Variants in NAALADL2 observed in about 807,000 individuals in gnomAD.
NAALADL2 encodes N-acetylated alpha-linked acidic dipeptidase like 2, also known as inactive N-acetylated-alpha-linked acidic dipeptidase-like protein 2.
Under a neutral mutation model 87.2 loss-of-function variants are expected in NAALADL2, and 76 were observed. The ratio of observed to expected loss-of-function variants is 0.87; its 90% CI spans 0.72 to 1.05. The LOEUF is 1.05. NAALADL2 is among the 50% of genes least tolerant of loss of function. The pLI, the probability that NAALADL2 is intolerant of heterozygous loss-of-function variation, is 0.00. For missense variants in NAALADL2, 1,089 were observed against 945.8 expected (o/e 1.15, Z -1.99); for synonymous variants, 354 against 331.0 (o/e 1.07, Z -0.75).
At chr3:174,770,707 G>A (rs1011182072) in intron 3 of NAALADL2, among the ~76,000 whole-genome samples, 4 of 151,992 alleles carry the variant, frequency 2.6e-5, no homozygotes, top group Non-Finnish European at 4.4e-5. Flanking sequence ...GGGCTTGGTG[G>A]TGGGCACCTG....
At chr3:174,811,406 G>C (rs1261247751) in intron 3 of NAALADL2, among the ~76,000 whole-genome samples, 1 of 152,192 alleles carries the variant, frequency 6.6e-6, no homozygotes, top group Non-Finnish European at 1.5e-5. Context: ...CCTTGCACCA[G>C]TATGCCCTGG....
At chr3:175,309,134 G>C (rs1581357355) in intron 4 of NAALADL2, among the ~76,000 whole-genome samples, 1 of 152,028 alleles carries the variant, frequency 6.6e-6, no homozygotes, top group Non-Finnish European at 1.5e-5. Flanking sequence ...GAATAATAAA[G>C]TAACAAATTT....
rs578045045 is a variant in NAALADL2 at position 174,453,350 on chromosome 3, G to A, written c.-184+12318G>A. On this transcript the variant is annotated intron_variant, in intron 1 of 3. Transcript: ENST00000434257. ...AGATGGGGAGTATGGAAGCAACTTG[G>A]AAATCACATTTTGGGATATCCTCCA... Among the ~76,000 whole-genome samples the A allele has an allele frequency of 3.3e-5, 5 of 152,264 alleles. No individual in the cohort carries two copies. The South Asian group carries it at 1.0e-3, about 32-fold the overall frequency.
chr3:175,770,238 T>C lies in NAALADL2; in HGVS notation c.2189+14820T>C, dbSNP rs1402818638. Among the ~76,000 whole-genome samples, 7 of 152,222 alleles carry C rather than the reference T, an allele frequency of 4.6e-5. No individual in the cohort carries two copies. The South Asian group carries it at 1.0e-3, about 23-fold the overall frequency. On this transcript the variant is annotated intron_variant, in intron 13 of 13. Transcript: ENST00000454872. ...ATTAATTTGTAACATTTCAGACATATAATCTACAAAAACTTGGTGATGGAT... is the reference window on the plus strand; with the variant it reads ...ATTAATTTGTAACATTTCAGACATACAATCTACAAAAACTTGGTGATGGAT...
At chr3:174,661,841 ACACG>A (rs1414883963) in intron 2 of NAALADL2, among the ~76,000 whole-genome samples, 1 of 152,184 alleles carries the variant, frequency 6.6e-6, no homozygotes, top group Non-Finnish European at 1.5e-5. Flanking sequence ...ACACACACAC[ACACG>A]AGCTGTAAAA....
At chr3:175,046,104 G>C (rs1369362148) in intron 1 of NAALADL2, among the ~76,000 whole-genome samples, 2 of 151,658 alleles carry the variant, frequency 1.3e-5, no homozygotes, top group African/African-American at 4.8e-5. Context: ...TCTGCTTTTG[G>C]GGAAGTGGAA....
At chr3:175,062,766 T>C (rs910971368) in intron 1 of NAALADL2, among the ~76,000 whole-genome samples, 3 of 152,152 alleles carry the variant, frequency 2.0e-5, no homozygotes, top group African/African-American at 7.2e-5. Flanking sequence ...TTTCGGTTTG[T>C]GTAAACCCAA....
chr3:175,741,310 C>G (rs989567660), intron 12 of NAALADL2, among the ~76,000 whole-genome samples: 1 of 152,136 alleles, frequency 6.6e-6, no homozygotes, highest in African/African-American at 2.4e-5. Flanking sequence ...GTTGAGGGAG[C>G]TGTCTTGTGT....
chr3:175,219,864 C>CT (rs1320578074), intron 2 of NAALADL2, among the ~76,000 whole-genome samples: 2,193 of 118,616 alleles, frequency 0.018, 63 homozygotes, highest in African/African-American at 0.07. Context: ...TTGTGGTTTT[C>CT]TTTCTTTTTT....
intron 2 of NAALADL2, among the ~76,000 whole-genome samples, chr3:174,706,983 A>G (rs1730133561): frequency 6.6e-6 from 1 of 152,208 alleles, no homozygotes; most frequent in South Asian, 2.1e-4. Context: ...AAGTGGGTGA[A>G]CGATATGAAC....
At chr3:174,705,580 C>A (rs1410789362) in intron 2 of NAALADL2, among the ~76,000 whole-genome samples, 2 of 151,872 alleles carry the variant, frequency 1.3e-5, no homozygotes, top group Admixed American at 6.6e-5. Context: ...GTCAGGAGAT[C>A]GAGACCATCC....
At chr3:174,622,635 T>A (rs1039635198) in intron 2 of NAALADL2, among the ~76,000 whole-genome samples, 1 of 152,192 alleles carries the variant, frequency 6.6e-6, no homozygotes, top group African/African-American at 2.4e-5. Flanking sequence ...TACTGTATTA[T>A]TATAACAAAC....
intron 2 of NAALADL2, among the ~76,000 whole-genome samples, chr3:175,107,482 C>A (rs944210519): frequency 6.6e-6 from 1 of 150,872 alleles, no homozygotes; most frequent in Non-Finnish European, 1.5e-5. Flanking sequence ...CAATCTAGCT[C>A]TTTTCATACA....
intron 2 of NAALADL2, among the ~76,000 whole-genome samples, chr3:174,677,948 TATGAG>T (rs1466448120): frequency 6.6e-6 from 1 of 152,190 alleles, no homozygotes; most frequent in Admixed American, 6.5e-5. Flanking sequence ...TTGTTTATAA[TATGAG>T]AGCTGAACTA....
intron 4 of NAALADL2, among the ~76,000 whole-genome samples, chr3:175,320,542 C>A (rs1335028952): frequency 6.6e-6 from 1 of 152,220 alleles, no homozygotes; most frequent in East Asian, 1.9e-4. Flanking sequence ...TCAGGAGGTT[C>A]AGGACAGTGG....
intron 2 of NAALADL2, among the ~76,000 whole-genome samples, chr3:174,568,119 G>T (rs937792772): frequency 6.6e-6 from 1 of 151,668 alleles, no homozygotes; most frequent in African/African-American, 2.4e-5. Context: ...TCTTCTTTGG[G>T]AAAAACAAAT....
intron 5 of NAALADL2, among the ~76,000 whole-genome samples, chr3:175,399,702 A>G (rs1463101572): frequency 6.6e-6 from 1 of 151,768 alleles, no homozygotes; most frequent in Admixed American, 6.6e-5. Context: ...GGTCTTTATG[A>G]CCTGTATCTT....
At chr3:175,048,853 G>A (rs546776586) in intron 1 of NAALADL2, among the ~76,000 whole-genome samples, 1 of 152,120 alleles carries the variant, frequency 6.6e-6, no homozygotes, top group Non-Finnish European at 1.5e-5. Context: ...TGCATTAGGT[G>A]AAATCACAGA....
chr3:175,159,486 T>C (rs998271641), intron 2 of NAALADL2, among the ~76,000 whole-genome samples: 2 of 152,190 alleles, frequency 1.3e-5, no homozygotes, highest in African/African-American at 2.4e-5. Context: ...ATATACATAT[T>C]TGAATTTAGC....
Sources: allele counts gnomAD v4.1 joint callset (sites outside exome capture counted in the v4.1 genomes callset), GRCh38; gene constraint gnomAD v4.1.1; transcripts MANE v1.5; gene names NCBI Gene and HGNC (gene_info 2026-07-23, HGNC 2026-07-21).